Variants in PRDM10 observed in about 807,000 individuals in gnomAD.
The protein encoded by PRDM10 is PR domain zinc finger protein 10.
PRDM10 carries 65 observed loss-of-function variants against 133.1 expected under a neutral mutation model. The ratio of observed to expected loss-of-function variants is 0.49; its 90% CI spans 0.40 to 0.60. The LOEUF (loss-of-function observed/expected upper bound fraction) is 0.60, where lower values mean the gene tolerates loss of function less well. Ranked by LOEUF, PRDM10 falls within the 20% of genes least tolerant of loss-of-function variation. The pLI is 0.00. For synonymous variants in PRDM10, 582 were observed against 580.4 expected, an observed-to-expected ratio of 1.00 and a Z score of -0.04; for missense variants, 1,137 against 1,507.1, an observed-to-expected ratio of 0.75 and a Z score of 4.07.
chr11:129,998,905 C>A (rs1166043722), intron 1 of PRDM10, among the ~76,000 whole-genome samples: 1 of 151,330 alleles, frequency 6.6e-6, no homozygotes, highest in African/African-American at 2.4e-5. Flanking sequence ...TCACTGCAGC[C>A]GCTACTTCCG....
At chr11:129,913,878 G>C (rs1390938598) in intron 17 of PRDM10, among the ~76,000 whole-genome samples, 1 of 152,214 alleles carries the variant, frequency 6.6e-6, no homozygotes, top group Non-Finnish European at 1.5e-5. Context: ...GTAATTAAAT[G>C]AAACAATAGT....
chr11:129,992,033 C>G (rs1938786595), intron 1 of PRDM10, among the ~76,000 whole-genome samples: 1 of 152,098 alleles, frequency 6.6e-6, no homozygotes, highest in Non-Finnish European at 1.5e-5. Flanking sequence ...GCAGGAGACA[C>G]AAAATAGAAG....
At chr11:129,990,522 C>CAAAAA (rs59217112) in intron 1 of PRDM10, among the ~76,000 whole-genome samples, 6 of 67,084 alleles carry the variant, frequency 8.9e-5, no homozygotes, top group African/African-American at 9.9e-5. Context: ...ACTTTGTCTC[C>CAAAAA]AAAAAAAAAA....
At chr11:129,921,434 G>A (rs1198084716) in intron 13 of PRDM10, among the ~76,000 whole-genome samples, 1 of 152,210 alleles carries the variant, frequency 6.6e-6, no homozygotes, top group Non-Finnish European at 1.5e-5. Flanking sequence ...TGGAGTTCAG[G>A]TCACCCTGAG....
At chr11:129,915,897 C>T (rs145526575) in intron 15 of PRDM10, 37 bp from the exon 16 acceptor site, 8 of 1,573,068 alleles carry the variant, frequency 5.1e-6, no homozygotes, top group Non-Finnish European at 6.0e-6. Flanking sequence ...AAGCAGTATA[C>T]AGTTCCACTT....
rs1283150045 is a variant in PRDM10 at position 129,923,766 on chromosome 11, T to C, written c.1879-363A>G. Among the ~76,000 whole-genome samples the C allele has an allele frequency of 6.6e-6, 1 of 151,746 alleles. No individual in the cohort carries two copies. The highest frequency in any genetic ancestry group is 2.0e-4 in the East Asian group (1 of 5,102). On this transcript the variant is annotated intron_variant, in intron 12 of 20. Coordinates refer to ENST00000360871, the MANE Select transcript of PRDM10 (RefSeq NM_199437.2). The surrounding 1 kb of genome is among the most constrained non-coding windows in gnomAD (Gnocchi z 4.4). ...GATAAAAAGCAAAAGTTCCTTTGGG[T>C]TTAAATGAAATCTTGCTAAAAAGGA...
At chr11:129,970,481 AC>A (rs1292387616) in intron 1 of PRDM10, among the ~76,000 whole-genome samples, 6 of 151,456 alleles carry the variant, frequency 4.0e-5, no homozygotes, top group Admixed American at 3.9e-4. Flanking sequence ...AGAACACTGG[AC>A]CCTGCATGAT....
intron 4 of PRDM10, among the ~76,000 whole-genome samples, chr11:129,954,157 A>G (rs1429067024): frequency 6.6e-6 from 1 of 151,354 alleles, no homozygotes; most frequent in East Asian, 1.9e-4. Context: ...TGATATGAAT[A>G]TAACTAGGGT....
chr11:129,904,425 G>A (rs1022002417), intron 20 of PRDM10, among the ~76,000 whole-genome samples: 7 of 152,036 alleles, frequency 4.6e-5, no homozygotes, highest in African/African-American at 1.7e-4. Context: ...CAGTTTTCAA[G>A]TACACAATAC....
chr11:129,923,415 A>T lies in PRDM10; in HGVS notation c.1879-12T>A, dbSNP rs536049991. 384 of 1,599,194 alleles carry T rather than the reference A, an allele frequency of 2.4e-4. 2 individuals are homozygous for T. In the South Asian group the frequency reaches 3.9e-3, roughly 16 times the overall value. ...ACGTGTTTTTTCACCTGGTGATAAG[A>T]ACCACAGGAAAATTCAGGGGACGCA... On this transcript the variant is annotated splice_polypyrimidine_tract_variant and intron_variant, in intron 12 of 20. Coordinates refer to ENST00000360871, the MANE Select transcript of PRDM10 (RefSeq NM_199437.2). This position sits in a 1 kb window ranked among gnomAD's most constrained non-coding sequence, Gnocchi z 4.4.
Position 129,956,126 on chromosome 11 carries a change from TA to T in PRDM10, c.235-556del, listed in dbSNP as rs373757342. 3.7e-3 allele frequency among the ~76,000 whole-genome samples: 545 copies of T among 148,922 alleles called. 3 individuals are homozygous for T. Among genetic ancestry groups the T allele is most frequent in the African/African-American group, 0.012 (488 of 40,750 alleles). On this transcript the variant is annotated intron_variant, in intron 3 of 20. Coordinates refer to ENST00000360871, the MANE Select transcript of PRDM10 (RefSeq NM_199437.2). ...TCTACATAGTCAGTAAAGTCATAATTAAAAAAAAAAATTAATCATCATAAAC... is the reference window on the plus strand; with the variant it reads ...TCTACATAGTCAGTAAAGTCATAATTAAAAAAAAAATTAATCATCATAAAC...
At chr11:129,909,581 G>A (rs1950122017) in intron 19 of PRDM10, among the ~76,000 whole-genome samples, 1 of 152,100 alleles carries the variant, frequency 6.6e-6, no homozygotes, top group Admixed American at 6.6e-5. Flanking sequence ...TAAATCAACA[G>A]TAGAAGAAAG....
chr11:129,971,779 T>C (rs918166437), intron 1 of PRDM10, among the ~76,000 whole-genome samples: 2 of 152,218 alleles, frequency 1.3e-5, no homozygotes, highest in Admixed American at 6.5e-5. Flanking sequence ...ACCCAGTGGA[T>C]CCCGCACCGG....
intron 2 of PRDM10, among the ~76,000 whole-genome samples, chr11:129,958,750 T>C (rs1186667475): frequency 6.6e-6 from 1 of 152,224 alleles, no homozygotes; most frequent in Non-Finnish European, 1.5e-5. Flanking sequence ...AATCAATGAA[T>C]GGAATAGAAC....
rs200490102 is a variant in PRDM10 at position 129,935,174 on chromosome 11, G to A, written c.1084C>T (p.Arg362Cys). ...AACTGCTCCGAGCTTATAAATCGGC[G>A]GTTACATTCATAGCAGGGCCAATTC... ...EKNWPCYECN[R>C]RFISSEQLQQ... The change falls in exon 9 of 21, where the codon CGC (arginine) becomes TGC (cysteine). Residue 362 changes from arginine to cysteine, a missense_variant. Arg to Cys is a radical substitution (Grantham distance 180). Coordinates refer to ENST00000360871, the MANE Select transcript of PRDM10 (RefSeq NM_199437.2). The A allele has an allele frequency of 5.4e-5, 87 of 1,613,944 alleles. No homozygotes were observed. The highest frequency in any genetic ancestry group is 7.3e-5 in the Non-Finnish European group (86 of 1,179,918).
intron 19 of PRDM10, 27 bp from the exon 20 acceptor site, chr11:129,905,768 C>T (rs764209017): frequency 5.0e-6 from 8 of 1,584,832 alleles, no homozygotes; most frequent in Non-Finnish European, 6.9e-6. Flanking sequence ...ATTCATAGTT[C>T]AGTGGTCTCA....
chr11:129,995,881 G>A (rs1195627981), intron 1 of PRDM10, among the ~76,000 whole-genome samples: 1 of 152,094 alleles, frequency 6.6e-6, no homozygotes, highest in Non-Finnish European at 1.5e-5. Flanking sequence ...AGAAGACGGA[G>A]GTTGCCGTGA....
At chr11:129,927,176 C>CAAAAAAAAAAAAAA (rs57015735) in intron 11 of PRDM10, among the ~76,000 whole-genome samples, 1 of 79,370 alleles carries the variant, frequency 1.3e-5, no homozygotes, top group African/African-American at 4.3e-5. Flanking sequence ...GACTCTGTCT[C>CAAAAAAAAAAAAAA]AAAAAAAAAA....
At chr11:129,961,212 A>G in intron 1 of PRDM10, 130 bp from the exon 2 acceptor site, 1 of 481,672 alleles carries the variant, frequency 2.1e-6, no homozygotes, top group Non-Finnish European at 3.6e-6. Flanking sequence ...AAAATGTAAA[A>G]ATGAAGACAT....
Sources: gnomAD v4.1 joint callset for allele counts (sites outside exome capture counted in the v4.1 genomes callset) on GRCh38, gnomAD v4.1.1 for gene constraint, Gnocchi (gnomAD v3.1) non-coding constraint, MANE v1.5 for transcripts, NCBI Gene and HGNC (gene_info 2026-07-23, HGNC 2026-07-21) for gene names.